Variants in CASP8 observed in about 807,000 individuals in gnomAD.
The protein encoded by CASP8 is caspase 8, also known as caspase-8.
CASP8 carries 24 observed loss-of-function variants against 46.3 expected under a neutral mutation model. The ratio of observed to expected loss-of-function variants is 0.52; its 90% CI spans 0.38 to 0.73. The LOEUF (loss-of-function observed/expected upper bound fraction) is 0.73. Among genes scored for constraint, CASP8 ranks in the 30% least tolerant of loss-of-function variants. CASP8 has a pLI of 0.00. For synonymous variants in CASP8, 188 were observed against 200.4 expected (o/e 0.94, Z 0.52); for missense variants, 460 against 559.0 (o/e 0.82, Z 1.79).
chr2:201,257,846 T>G (rs1359491804), upstream of CASP8: 1 of 300,558 alleles, frequency 3.3e-6, no homozygotes, highest in Non-Finnish European at 6.5e-6. Context: ...CAAGAAAGAA[T>G]GGCATATTAC....
In CASP8 at chr2:201,281,354, C is replaced by A. The variant is rs544230436; in HGVS notation, c.803-3462C>A. Among the ~76,000 whole-genome samples, 132 of 152,058 alleles carry A rather than the reference C, an allele frequency of 8.7e-4. 1 individual carries two copies. Among genetic ancestry groups the A allele is most frequent in the African/African-American group, 3.0e-3 (126 of 41,482 alleles). ...ATAAAAATATTACTATGGATTCAAC[C>A]AAAACTTGTAAATAATTGAGTAAGA... On this transcript the variant is annotated intron_variant, in intron 7 of 8. Coordinates refer to ENST00000673742, the MANE Select transcript of CASP8 (RefSeq NM_001372051.1).
At position 201,281,893 on chromosome 2, in the gene CASP8, G is replaced by A. The variant is rs534035202; in HGVS notation, c.803-2923G>A. The A allele has an allele frequency of 1.3e-5, 20 of 1,490,466 alleles. No individual in the cohort carries two copies. The South Asian group carries it at 1.4e-4, about 11-fold the overall frequency. 92.3% of individuals were successfully genotyped at this position (1,490,466 alleles called of 1,614,324 possible). A position where few individuals can be genotyped will look rare whatever the true frequency, so the allele number is the denominator to read the frequency against. ...TTAGAAGCCTGCAGAATCCAGCTAC[G>A]AATATAGAGGGTTTTGCTCTTGAAT... On this transcript the variant is annotated intron_variant, in intron 7 of 8. Coordinates refer to ENST00000673742, the MANE Select transcript of CASP8 (RefSeq NM_001372051.1).
At chr2:201,253,669 A>G (rs1946886772) in intron 2 of CASP8, among the ~76,000 whole-genome samples, 1 of 152,144 alleles carries the variant, frequency 6.6e-6, no homozygotes, top group Non-Finnish European at 1.5e-5. Flanking sequence ...CAATTAATAC[A>G]TTTTAAAAGA....
chr2:201,250,707 C>A (rs1946739692), intron 2 of CASP8, among the ~76,000 whole-genome samples: 1 of 152,230 alleles, frequency 6.6e-6, no homozygotes, highest in African/African-American at 2.4e-5. Context: ...TGGGTGAGGA[C>A]ACAAATCCAA....
chr2:201,273,067 T>TG, intron 5 of CASP8, 125 bp downstream of exon 5: 1 of 845,622 alleles, frequency 1.2e-6, no homozygotes, highest in South Asian at 1.5e-5. Context: ...TCTTTTTTTT[T>TG]TTTTTTTTGT....
intron 2 of CASP8, among the ~76,000 whole-genome samples, chr2:201,251,189 G>A (rs905872093): frequency 6.6e-6 from 1 of 152,228 alleles, no homozygotes; most frequent in Non-Finnish European, 1.5e-5. Flanking sequence ...ACTTTTGGCA[G>A]TTATGAATTA....
rs1469580235 is a variant in CASP8, at chr2:201,283,609, G to A, written c.803-1207G>A. ...TCCCTCCCGGACGGGGCGGCTGGCC[G>A]GGCAGAGGGGTCCTCACTTCCCAGT... is the stretch of plus-strand genomic sequence containing the variant. On this transcript the variant is annotated intron_variant, in intron 7 of 8. Transcript: ENST00000673742. 3.8e-3 allele frequency among the ~76,000 whole-genome samples: 335 copies of A among 87,568 alleles called. 4 individuals carry two copies. Among genetic ancestry groups the A allele is most frequent in the East Asian group, 0.01 (26 of 2,566 alleles). The allele number at this position is 87,568 out of a possible 152,430, so 57.4% of individuals were successfully genotyped here.
At chr2:201,285,558 T>A (rs1218933849) in intron 8 of CASP8, among the ~76,000 whole-genome samples, 1 of 152,226 alleles carries the variant, frequency 6.6e-6, no homozygotes, top group East Asian at 1.9e-4. Context: ...AGTGTTAACA[T>A]CCTTAGTTTA....
upstream of CASP8, chr2:201,260,433 C>T (rs936085455): frequency 5.2e-6 from 3 of 582,438 alleles, no homozygotes; most frequent in Non-Finnish European, 4.3e-6. Context: ...ACTCTGCTCA[C>T]TCAGGGGCAA....
chr2:201,245,864 CTTT>C (rs60096366), intron 2 of CASP8, among the ~76,000 whole-genome samples: 2 of 124,456 alleles, frequency 1.6e-5, no homozygotes, highest in Non-Finnish European at 1.7e-5. Flanking sequence ...CTTGTTTGTT[CTTT>C]TTTTTTTTTT....
chr2:201,269,535 G>A (rs951355772), intron 2 of CASP8: 8 of 1,613,494 alleles, frequency 5.0e-6, no homozygotes, highest in Admixed American at 1.7e-5. Context: ...CATGAGCTGG[G>A]CTGAAGCAAA....
rs1477247624 is a variant in CASP8, at chr2:201,285,277, A to C, written c.1264A>C (p.Ile422Leu). 1.2e-6 allele frequency: 2 copies of C among 1,614,160 alleles called. No homozygotes were observed. The highest frequency in any genetic ancestry group is 1.7e-6 in the Non-Finnish European group (2 of 1,180,040). Residue 422 changes from isoleucine (I) to leucine (L), a missense_variant, in exon 8 of 9, where the codon ATC (isoleucine) becomes CTC (leucine). Physicochemically the swap from Ile to Leu is conservative, Grantham distance 5. Coordinates refer to ENST00000673742, the MANE Select transcript of CASP8 (RefSeq NM_001372051.1). ...AAACCCTGCAGAGGGAACCTGGTAC[A>C]TCCAGTCACTTTGCCAGAGCCTGAG... ...YRNPAEGTWYIQSLCQSLRER... is the reference protein window; with the variant it reads ...YRNPAEGTWYLQSLCQSLRER...
upstream of CASP8, among the ~76,000 whole-genome samples, chr2:201,255,546 G>T (rs1255352393): frequency 6.6e-5 from 10 of 152,142 alleles, no homozygotes; most frequent in African/African-American, 2.2e-4. Context: ...TTTCTGCTAG[G>T]CTGGGCCTGG....
chr2:201,247,190 CAAAAAAAAA>C (rs71022356), intron 2 of CASP8, among the ~76,000 whole-genome samples: 3 of 81,434 alleles, frequency 3.7e-5, no homozygotes, highest in Non-Finnish European at 4.6e-5. Flanking sequence ...CTGTCTGTCT[CAAAAAAAAA>C]AAAAAAAAAA....
rs2125488599 is a variant in CASP8, at chr2:201,285,205, G to A, written c.1192G>A (p.Asp398Asn). The change falls in exon 8 of 9, where the codon GAC becomes AAC. Residue 398 changes from aspartate to asparagine, a missense_variant. By Grantham distance (23) the Asp-to-Asn change is conservative. Transcript: ENST00000673742. ...AACGAGATATATCCCGGATGAGGCT[G>A]ACTTTCTGCTGGGGATGGCCACTGT... ...PQTRYIPDEA[D>N]FLLGMATVNN... 8 of 1,614,212 alleles carry A rather than the reference G, an allele frequency of 5.0e-6. No individual in the cohort carries two copies. The highest frequency in any genetic ancestry group is 6.8e-6 in the Non-Finnish European group (8 of 1,180,038).
intron 7 of CASP8, chr2:201,282,014 G>T (rs1949072280): frequency 1.6e-5 from 2 of 123,048 alleles, no homozygotes; most frequent in Non-Finnish European, 2.5e-5. Context: ...CAGGACAATA[G>T]TGGAGGGAAG....
chr2:201,270,288 A>T (rs1361145840), intron 2 of CASP8, among the ~76,000 whole-genome samples: 1 of 152,198 alleles, frequency 6.6e-6, no homozygotes, highest in African/African-American at 2.4e-5. Flanking sequence ...CCAAAGACTG[A>T]TTTAAGTACT....
intron 7 of CASP8, chr2:201,281,933 C>CTTTTGTT (rs1949053828): frequency 4.5e-6 from 1 of 224,596 alleles, no homozygotes; most frequent in African/African-American, 4.9e-5. Context: ...GGTTCAAATT[C>CTTTTGTT]TTTTTTTTTT....
chr2:201,235,204 G>A (rs1945997564), intron 2 of CASP8, among the ~76,000 whole-genome samples: 1 of 151,948 alleles, frequency 6.6e-6, no homozygotes, highest in South Asian at 2.1e-4. Context: ...TTTCCTTTAT[G>A]TCTGCCTTAT....
Sources: gnomAD v4.1 joint callset for allele counts (sites outside exome capture counted in the v4.1 genomes callset) on GRCh38, gnomAD v4.1.1 for gene constraint, MANE v1.5 for transcripts, NCBI Gene and HGNC (gene_info 2026-07-23, HGNC 2026-07-21) for gene names.